The following COL23A1 variants were observed in gnomAD, a reference collection of about 807,000 sequenced individuals.
COL23A1 encodes the protein collagen type XXIII alpha 1 chain.
COL23A1 carries 97 observed loss-of-function variants against 99.3 expected under a neutral mutation model. The ratio of observed to expected loss-of-function variants is 0.98; its 90% CI spans 0.83 to 1.16. The LOEUF is 1.16. COL23A1 is among the 50% of genes most tolerant of loss of function. The pLI is 0.00. For missense variants in COL23A1, 762 were observed against 757.4 expected (o/e 1.01, Z -0.07); for synonymous variants, 320 against 308.2 (o/e 1.04, Z -0.40).
intron 2 of COL23A1, among the ~76,000 whole-genome samples, chr5:178,539,437 T>C (rs1761159032): frequency 6.6e-6 from 1 of 150,608 alleles, no homozygotes; most frequent in South Asian, 2.1e-4. Flanking sequence ...TCCCAGCTAC[T>C]TGAGAGGCTG....
intron 2 of COL23A1, among the ~76,000 whole-genome samples, chr5:178,524,042 G>A (rs769316482): frequency 2.6e-5 from 4 of 152,172 alleles, no homozygotes; most frequent in African/African-American, 4.8e-5. Context: ...GTGTCATACG[G>A]GAGGGTCTCT....
At chr5:178,491,050 G>GGA (rs911391267) in intron 2 of COL23A1, among the ~76,000 whole-genome samples, 4 of 151,522 alleles carry the variant, frequency 2.6e-5, no homozygotes, top group Non-Finnish European at 5.9e-5. Context: ...AGAAGAGAGA[G>GGA]GAGAGAGAGA....
At chr5:178,298,704 T>C (rs1198244572) in intron 3 of COL23A1, among the ~76,000 whole-genome samples, 1 of 152,186 alleles carries the variant, frequency 6.6e-6, no homozygotes, top group Admixed American at 6.5e-5. Flanking sequence ...CTCAGAAGCA[T>C]GAACCCATCC....
intron 2 of COL23A1, among the ~76,000 whole-genome samples, chr5:178,358,670 AATGTGT>A (rs761823398): frequency 1.2e-4 from 6 of 50,678 alleles, no homozygotes; most frequent in African/African-American, 4.9e-4. Flanking sequence ...GTATGTGTCT[AATGTGT>A]ATGTGTATGT....
chr5:178,253,217 C>A (rs1333641846), intron 16 of COL23A1, among the ~76,000 whole-genome samples: 1 of 152,090 alleles, frequency 6.6e-6, no homozygotes, highest in Non-Finnish European at 1.5e-5. Flanking sequence ...TCCTCCCCTC[C>A]CTTCTGAAAA....
chr5:178,274,526 C>A (rs1254771001), intron 5 of COL23A1, among the ~76,000 whole-genome samples: 1 of 151,848 alleles, frequency 6.6e-6, no homozygotes, highest in Non-Finnish European at 1.5e-5. Flanking sequence ...TCTGGAAGGG[C>A]AGAGCCCCAG....
rs940241961 is a variant in COL23A1 at position 178,585,486 on chromosome 5, G to T, written c.294+4418C>A. Reference sequence around the variant, plus strand: ...TTGATGCTGGGGGTAACACTCCACAGCCCTGGATGACGCTGGAGTAACACT... The same window carrying T: ...TTGATGCTGGGGGTAACACTCCACATCCCTGGATGACGCTGGAGTAACACT... On this transcript the variant is annotated intron_variant, in intron 1 of 28. Transcript: ENST00000390654. Among the ~76,000 whole-genome samples, 173 of 143,064 alleles carry T rather than the reference G, an allele frequency of 1.2e-3. 1 individual carries two copies. Among genetic ancestry groups the T allele is most frequent in the African/African-American group, 4.0e-3 (146 of 36,282 alleles). 93.9% of individuals were successfully genotyped at this position (143,064 alleles called of 152,430 possible).
chr5:178,238,580 T>C lies in COL23A1; in HGVS notation c.*118A>G, dbSNP rs1561776417. 5 of 1,384,508 alleles carry C rather than the reference T, an allele frequency of 3.6e-6. No individual in the cohort carries two copies. Among genetic ancestry groups the C allele is most frequent in the East Asian group, 2.3e-5 (1 of 43,232 alleles). The allele number at this position is 1,384,508 out of a possible 1,614,324, so 85.8% of individuals were successfully genotyped here. A position where few individuals can be genotyped will look rare whatever the true frequency, so the allele number is the denominator to read the frequency against. ...GGGGCTGGGTGGGCATACTCTTGAA[T>C]GTTAAAAGGCCACAGGTAGCGCATT... On this transcript the variant is annotated 3_prime_UTR_variant, in exon 29 of 29. Transcript: ENST00000390654.
chr5:178,315,112 C>T (rs114670748), intron 2 of COL23A1, among the ~76,000 whole-genome samples: 198 of 152,270 alleles, frequency 1.3e-3, no homozygotes, highest in Non-Finnish European at 2.3e-3. Context: ...ATCCAAAATG[C>T]CTGCAGTTTC....
intron 2 of COL23A1, among the ~76,000 whole-genome samples, chr5:178,552,918 C>T (rs1470956837): frequency 2.0e-5 from 3 of 152,012 alleles, no homozygotes; most frequent in South Asian, 4.1e-4. Flanking sequence ...CCATGTTGGC[C>T]AGGATGGTCT....
chr5:178,241,146 A>G (rs1254490272), intron 27 of COL23A1, among the ~76,000 whole-genome samples: 3 of 152,042 alleles, frequency 2.0e-5, no homozygotes, highest in Non-Finnish European at 4.4e-5. Context: ...CAGGAGGATC[A>G]CTTGAGCCTG....
chr5:178,311,493 TGTGTGTGTGTGTGCGC>T (rs1025567025), intron 2 of COL23A1, among the ~76,000 whole-genome samples: 72 of 9,744 alleles, frequency 7.4e-3, no homozygotes, highest in African/African-American at 0.028. Context: ...TCTGTGTGTG[TGTGTGTGTGTGTGCGC>T]GTGTGTGTGT....
intron 2 of COL23A1, among the ~76,000 whole-genome samples, chr5:178,347,587 T>TA (rs999487177): frequency 1.6e-4 from 24 of 145,888 alleles, no homozygotes; most frequent in South Asian, 8.7e-4. Context: ...ATATCTCTAT[T>TA]AAAAAAAAAA....
chr5:178,428,618 G>A lies in COL23A1; in HGVS notation c.362-121699C>T, dbSNP rs1180717592. Among the ~76,000 whole-genome samples, 1 of 152,250 alleles carries A rather than the reference G, an allele frequency of 6.6e-6. No homozygotes were observed. Among genetic ancestry groups the A allele is most frequent in the African/African-American group, 2.4e-5 (1 of 41,470 alleles). ...CAGGCCTTTTTAGCCCCCGAGCCAG[G>A]ATGGCAGCCTCTTCTCCTGACCTCA... On this transcript the variant is annotated intron_variant, in intron 2 of 28. Coordinates refer to ENST00000390654, the MANE Select transcript of COL23A1 (RefSeq NM_173465.4). The surrounding 1 kb of genome is among the most constrained non-coding windows in gnomAD (Gnocchi z 5.0).
In COL23A1 at chr5:178,465,903, C is replaced by A. The variant is rs148128848; in HGVS notation, c.361+94779G>T. On this transcript the variant is annotated intron_variant, in intron 2 of 28. Transcript: ENST00000390654. ...GACTCGCCGCTTGCCTGGCTTCCTG[C>A]CTGCTCCGGATGGCGAGTCTAACTC... is the stretch of plus-strand genomic sequence containing the variant. Among the ~76,000 whole-genome samples, 41 of 152,284 alleles carry A rather than the reference C, an allele frequency of 2.7e-4. No individual in the cohort carries two copies. In the South Asian group the frequency reaches 4.6e-3, roughly 17 times the overall value.
intron 3 of COL23A1, among the ~76,000 whole-genome samples, chr5:178,304,248 C>T (rs776311527): frequency 2.0e-5 from 3 of 152,054 alleles, no homozygotes; most frequent in Non-Finnish European, 2.9e-5. Context: ...GTGGCTCACG[C>T]CTACAATCCC....
chr5:178,385,062 G>T (rs73803008), intron 2 of COL23A1, among the ~76,000 whole-genome samples: 173 of 152,282 alleles, frequency 1.1e-3, no homozygotes, highest in African/African-American at 3.9e-3. Context: ...GGCAGCCCCT[G>T]GTGGCTGGAC....
In COL23A1 at chr5:178,560,754, C is replaced by A. The variant is rs1302327733; in HGVS notation, c.295-6G>T. Reference sequence around the variant, plus strand: ...TTCGCTAGTCCGTCCAACTTCTGAGCCGGAAAAAAAAAAAGAAAAAAAACG... The same window carrying A: ...TTCGCTAGTCCGTCCAACTTCTGAGACGGAAAAAAAAAAAGAAAAAAAACG... On this transcript the variant is annotated splice_region_variant and splice_polypyrimidine_tract_variant and intron_variant, in intron 1 of 28. Transcript: ENST00000390654. 10 of 1,600,470 alleles carry A rather than the reference C, an allele frequency of 6.2e-6. No individual in the cohort carries two copies. In the East Asian group the frequency reaches 1.1e-4, roughly 18 times the overall value.
At chr5:178,583,998 G>A (rs1763790085) in intron 1 of COL23A1, among the ~76,000 whole-genome samples, 1 of 152,098 alleles carries the variant, frequency 6.6e-6, no homozygotes, top group African/African-American at 2.4e-5. Context: ...CGAGGAGCTG[G>A]TCTACAGGCT....
Sources: gnomAD v4.1 joint callset for allele counts (sites outside exome capture counted in the v4.1 genomes callset) on GRCh38, gnomAD v4.1.1 for gene constraint, Gnocchi (gnomAD v3.1) non-coding constraint, MANE v1.5 for transcripts, NCBI Gene and HGNC (gene_info 2026-07-23, HGNC 2026-07-21) for gene names.